Variants in SUMF1 observed in about 807,000 individuals in gnomAD.
The protein encoded by SUMF1 is formylglycine-generating enzyme.
SUMF1 carries 48 observed loss-of-function variants against 47.6 expected under a neutral mutation model. The ratio of observed to expected loss-of-function variants is 1.01; its 90% CI spans 0.80 to 1.28. SUMF1 has a LOEUF of 1.28. Among genes scored for constraint, SUMF1 ranks in the 50% most tolerant of loss-of-function variants. The pLI is 0.00. For missense variants in SUMF1, 571 were observed against 485.4 expected (o/e 1.18, Z -1.66); for synonymous variants, 230 against 192.1 (o/e 1.20, Z -1.63).
intron 7 of SUMF1, among the ~76,000 whole-genome samples, chr3:4,385,978 C>A (rs78918021): frequency 0.012 from 1,785 of 152,240 alleles, 37 homozygotes; most frequent in African/African-American, 0.038. Context: ...CTATTTTGTT[C>A]CACTGATCTA....
At chr3:4,131,669 A>G (rs1693792733) in intron 8 of SUMF1, among the ~76,000 whole-genome samples, 2 of 152,138 alleles carry the variant, frequency 1.3e-5, no homozygotes, top group African/African-American at 4.8e-5. Context: ...ACATGATTGG[A>G]AAATTGGTGA....
rs969306427 is a variant in SUMF1 at position 4,201,641 on chromosome 3, T to C, written c.1015-132896A>G. ...ATTGCTTCAATACACTGATTTCCTT[T>C]CTTTTGGGCAAATACCTAGGAGCAA... is the stretch of plus-strand genomic sequence containing the variant. On this transcript the variant is annotated intron_variant and NMD_transcript_variant, in intron 8 of 12. Coordinates refer to the SUMF1 transcript ENST00000448413. 3.3e-5 allele frequency among the ~76,000 whole-genome samples: 5 copies of C among 151,334 alleles called. No individual in the cohort carries two copies. In the East Asian group the frequency reaches 9.7e-4, roughly 29 times the overall value.
chr3:4,100,160 C>T (rs3913297), intron 8 of SUMF1, among the ~76,000 whole-genome samples: 22,718 of 151,038 alleles, frequency 0.15, 3,658 homozygotes, highest in African/African-American at 0.39. Flanking sequence ...AAAATTCTAA[C>T]GTAATTCTTC....
chr3:4,409,166 C>A (rs1701464102), intron 7 of SUMF1, among the ~76,000 whole-genome samples: 1 of 151,922 alleles, frequency 6.6e-6, no homozygotes, highest in South Asian at 2.1e-4. Flanking sequence ...CTGCAGTAAC[C>A]CAGATGAGGG....
At chr3:4,098,205 G>C (rs1413951982) in intron 8 of SUMF1, among the ~76,000 whole-genome samples, 2 of 152,026 alleles carry the variant, frequency 1.3e-5, no homozygotes, top group African/African-American at 2.4e-5. Flanking sequence ...GGAAATTGAA[G>C]CTCCCCTAGC....
intron 8 of SUMF1, among the ~76,000 whole-genome samples, chr3:4,110,055 T>C (rs1693256504): frequency 6.6e-6 from 1 of 152,100 alleles, no homozygotes; most frequent in South Asian, 2.1e-4. Flanking sequence ...TCTTTGTGGT[T>C]TTATCTACCT....
intron 8 of SUMF1, among the ~76,000 whole-genome samples, chr3:4,142,141 G>C (rs1403755575): frequency 6.6e-6 from 1 of 151,970 alleles, no homozygotes; most frequent in African/African-American, 2.4e-5. Flanking sequence ...CTTAATCCTG[G>C]GATACTGCTA....
At chr3:4,374,650 G>A (rs988092641) in intron 8 of SUMF1, among the ~76,000 whole-genome samples, 6 of 152,142 alleles carry the variant, frequency 3.9e-5, no homozygotes, top group Non-Finnish European at 7.3e-5. Flanking sequence ...ATATGCCAGA[G>A]ACATAACTGG....
intron 8 of SUMF1, among the ~76,000 whole-genome samples, chr3:4,300,942 T>C (rs542403984): frequency 9.2e-5 from 14 of 152,200 alleles, no homozygotes; most frequent in African/African-American, 3.4e-4. Flanking sequence ...GACTAGCATA[T>C]AAATGTACCA....
intron 3 of SUMF1, among the ~76,000 whole-genome samples, chr3:4,424,924 A>T (rs1446961061): frequency 1.3e-5 from 2 of 152,146 alleles, no homozygotes; most frequent in Admixed American, 1.3e-4. Flanking sequence ...TAGGCCAAAT[A>T]CCTTGTTATG....
At chr3:4,269,307 C>T (rs943998224) in intron 8 of SUMF1, among the ~76,000 whole-genome samples, 13 of 152,212 alleles carry the variant, frequency 8.5e-5, no homozygotes, top group African/African-American at 3.1e-4. Flanking sequence ...GCTATCCCTC[C>T]CCACTCCCCC....
rs114900140 is a variant in SUMF1, at chr3:4,194,051, A to G, written c.1015-125306T>C. Among the ~76,000 whole-genome samples the G allele has an allele frequency of 8.2e-3, 1,256 of 152,276 alleles. 22 individuals carry two copies. The highest frequency in any genetic ancestry group is 0.029 in the African/African-American group (1,205 of 41,566). ...CAGATATGAAGTTCTACAATTGTCT[A>G]TTGCAACACTGTCCAATAGATGACC... On this transcript the variant is annotated intron_variant and NMD_transcript_variant, in intron 8 of 12. Coordinates refer to the SUMF1 transcript ENST00000448413.
chr3:4,361,649 A>G lies in SUMF1; in HGVS notation c.*495T>C, dbSNP rs148274102. On this transcript the variant is annotated 3_prime_UTR_variant, in exon 9 of 9. Transcript: ENST00000272902. ...GTATCACTCAAGGTTCACACATGGA[A>G]AAAATAGCTAAAAAATAATCTATAA... 1.4e-3 allele frequency: 236 copies of G among 165,394 alleles called. No individual in the cohort carries two copies. The highest frequency in any genetic ancestry group is 5.8e-3 in the African/African-American group (226 of 38,988). 10.2% of individuals were successfully genotyped at this position (165,394 alleles called of 1,614,324 possible).
intron 8 of SUMF1, among the ~76,000 whole-genome samples, chr3:4,306,849 C>A (rs912123459): frequency 6.6e-6 from 1 of 152,186 alleles, no homozygotes; most frequent in Non-Finnish European, 1.5e-5. Context: ...AAAAGAAATT[C>A]AAATGTTCAT....
rs1701779975 is a variant in SUMF1 at position 4,418,214 on chromosome 3, T to C, written c.603-82A>G. The C allele has an allele frequency of 3.1e-6, 5 of 1,588,264 alleles. No individual in the cohort carries two copies. The African/African-American group carries it at 5.4e-5, about 17-fold the overall frequency. ...GCTGGCTTCAGCAAAGCGCCCATAA[T>C]CCCCCTCAGTTCAATCTGTGACACT... On this transcript the variant is annotated intron_variant, in intron 4 of 8. Transcript: ENST00000272902.
At chr3:4,451,616 C>A (rs922201219) in intron 2 of SUMF1, among the ~76,000 whole-genome samples, 1 of 152,168 alleles carries the variant, frequency 6.6e-6, no homozygotes, top group Non-Finnish European at 1.5e-5. Flanking sequence ...ATTGAGGAAC[C>A]TGAGCTGAGA....
At chr3:4,317,993 G>A (rs1313695463) in intron 8 of SUMF1, among the ~76,000 whole-genome samples, 1 of 152,100 alleles carries the variant, frequency 6.6e-6, no homozygotes, top group Non-Finnish European at 1.5e-5. Context: ...GACCAGAAGG[G>A]TTAGAGCTGA....
intron 1 of SUMF1, among the ~76,000 whole-genome samples, chr3:4,464,362 T>C (rs977513740): frequency 1.3e-5 from 2 of 152,000 alleles, no homozygotes; most frequent in African/African-American, 2.4e-5. Context: ...ATCCCTCCTA[T>C]AGTATTCTCA....
intron 7 of SUMF1, 94 bp from the exon 8 acceptor site, chr3:4,376,483 C>T: frequency 7.6e-7 from 1 of 1,309,234 alleles, no homozygotes; most frequent in Non-Finnish European, 1.1e-6. Context: ...CCAGCTCTCT[C>T]ATGGTTGCCT....
Sources: gnomAD v4.1 joint callset for allele counts (sites outside exome capture counted in the v4.1 genomes callset) on GRCh38, gnomAD v4.1.1 for gene constraint, MANE v1.5 for transcripts, NCBI Gene and HGNC (gene_info 2026-07-23, HGNC 2026-07-21) for gene names.